The following DUS2 variants were observed in gnomAD, a reference collection of about 807,000 sequenced individuals.
DUS2 encodes dihydrouridine synthase 2.
Under a neutral mutation model 71.3 loss-of-function variants are expected in DUS2, and 52 were observed. That is an observed-to-expected ratio of 0.73 (90% CI 0.58 to 0.92). The LOEUF is 0.92. Ranked by LOEUF, DUS2 falls within the 40% of genes least tolerant of loss-of-function variation. The pLI is 0.00. For missense variants in DUS2, 558 were observed against 622.6 expected (o/e 0.90, Z 1.10); for synonymous variants, 204 against 227.8 (o/e 0.90, Z 0.94).
chr16:68,037,167 G>GTT (rs746737842), intron 2 of DUS2, among the ~76,000 whole-genome samples: 18 of 136,242 alleles, frequency 1.3e-4, no homozygotes, highest in African/African-American at 2.1e-4. Context: ...ATTTTTGTCT[G>GTT]TTTTTTTTTT....
chr16:68,034,986 A>G (rs773575501), intron 2 of DUS2, among the ~76,000 whole-genome samples: 11 of 152,190 alleles, frequency 7.2e-5, no homozygotes, highest in Non-Finnish European at 1.6e-4. Context: ...CCTGGGCAAC[A>G]GAGCAAGACT....
Position 68,075,427 on chromosome 16 carries a change from A to C in DUS2, c.1005A>C (p.Ser335=), listed in dbSNP as rs570800677. Residue 335 remains serine (S), a synonymous_variant, in exon 14 of 17, where the codon TCA becomes TCC. Transcript: ENST00000565263. ...QELDAQQARL[S]AKTSEQTGEP... is the part of the protein sequence containing the mutation. ...TGGATGCCCAGCAGGCCAGGCTCTC[A>C]GCCAAGACTTCAGAGCAGACAGGGG... 3 of 1,614,000 alleles carry C rather than the reference A, an allele frequency of 1.9e-6. 1 individual carries two copies. The South Asian group carries it at 3.3e-5, about 18-fold the overall frequency.
intron 3 of DUS2, among the ~76,000 whole-genome samples, chr16:68,046,786 G>T (rs561624115): frequency 2.0e-5 from 3 of 148,912 alleles, no homozygotes. Context: ...TTGCTCTGTC[G>T]CCGAGGCTGG....
At position 68,076,632 on chromosome 16, in the gene DUS2, G is replaced by A. The variant is rs1199996245; in HGVS notation, c.1083G>A (p.Arg361=). The part of the protein sequence containing the change: ...GVIKMAVKFD[R]RAYPAQITPK... ...CAACTGCTTCCCTTCCTTTCCCCAG[G>A]AGAGCATACCCAGCCCAGATCACCC... Residue 361 remains arginine (R), a splice_region_variant and synonymous_variant, in exon 15 of 17, where the codon CGG becomes CGA. Transcript: ENST00000565263. The A allele has an allele frequency of 6.2e-7, 1 of 1,613,576 alleles. No homozygotes were observed. Among genetic ancestry groups the A allele is most frequent in the Non-Finnish European group, 8.5e-7 (1 of 1,179,614 alleles).
chr16:68,073,970 C>G lies in DUS2; in HGVS notation c.811-64C>G, dbSNP rs2034121703. The G allele has an allele frequency of 1.9e-6, 3 of 1,599,268 alleles. No individual in the cohort carries two copies. In the African/African-American group the frequency reaches 4.0e-5, roughly 21 times the overall value. On this transcript the variant is annotated intron_variant, in intron 12 of 16. Coordinates refer to ENST00000565263, the MANE Select transcript of DUS2 (RefSeq NM_017803.5). ...GCCTTCTTGGAGCTCCTTTCCCTGCCATCAGAGCATAGCCCAGGCCTTAGA... is the reference window on the plus strand; with the variant it reads ...GCCTTCTTGGAGCTCCTTTCCCTGCGATCAGAGCATAGCCCAGGCCTTAGA...
At chr16:68,035,722 GTT>G (rs1289168836) in intron 2 of DUS2, among the ~76,000 whole-genome samples, 1 of 137,192 alleles carries the variant, frequency 7.3e-6, no homozygotes. Flanking sequence ...TTTTTTTTTG[GTT>G]TTTTTTTTTT....
intron 7 of DUS2, among the ~76,000 whole-genome samples, chr16:68,057,018 A>G (rs1339131900): frequency 7.2e-6 from 1 of 138,336 alleles, no homozygotes; most frequent in East Asian, 2.0e-4. Context: ...ATATAATTAT[A>G]TAATACATAT....
intron 3 of DUS2, among the ~76,000 whole-genome samples, chr16:68,039,024 C>A (rs990821038): frequency 6.6e-6 from 1 of 151,718 alleles, no homozygotes; most frequent in African/African-American, 2.4e-5. Flanking sequence ...CGTAGTGAGA[C>A]CCTGTCTCTA....
intron 7 of DUS2, among the ~76,000 whole-genome samples, chr16:68,060,399 C>T (rs907754678): frequency 1.6e-4 from 25 of 152,132 alleles, no homozygotes; most frequent in African/African-American, 5.8e-4. Flanking sequence ...CTGCAACCTC[C>T]ACCTCCTGGG....
At chr16:68,042,231 A>G (rs1467119039) in intron 3 of DUS2, among the ~76,000 whole-genome samples, 3 of 152,122 alleles carry the variant, frequency 2.0e-5, no homozygotes, top group African/African-American at 7.2e-5. Flanking sequence ...ACTCTATTGT[A>G]TGTATATATC....
At chr16:68,062,424 A>G (rs1043628597) in intron 8 of DUS2, among the ~76,000 whole-genome samples, 8 of 152,136 alleles carry the variant, frequency 5.3e-5, no homozygotes, top group African/African-American at 1.9e-4. Flanking sequence ...TAATTTGCTT[A>G]AGATCATATA....
chr16:68,050,713 C>T (rs777001172), intron 4 of DUS2, among the ~76,000 whole-genome samples: 6 of 152,020 alleles, frequency 3.9e-5, no homozygotes, highest in Admixed American at 3.9e-4. Flanking sequence ...ATCTATCTCC[C>T]CACCCCATTT....
At chr16:68,033,656 TTA>T in intron 2 of DUS2, among the ~76,000 whole-genome samples, 1 of 148,682 alleles carries the variant, frequency 6.7e-6, no homozygotes, top group Non-Finnish European at 1.5e-5. Context: ...TTTTTTTTTT[TTA>T]TATAGAGTCT....
chr16:68,070,964 A>G lies in DUS2; in HGVS notation c.666A>G (p.Gln222=), dbSNP rs1345718149. The change falls in exon 12 of 17, where the codon CAA becomes CAG. Residue 222 remains glutamine (Q), a synonymous_variant. Coordinates refer to ENST00000565263, the MANE Select transcript of DUS2 (RefSeq NM_017803.5). ...IANGGSHDHI[Q]QYSDIEDFRQ... The stretch of plus-strand genomic sequence containing the variant: ...GCGGAGGATCTCATGACCACATCCA[A>G]CAGTATTCGGACATAGAGGACTTTC... 3 of 1,614,080 alleles carry G rather than the reference A, an allele frequency of 1.9e-6. No individual in the cohort carries two copies. Among genetic ancestry groups the G allele is most frequent in the South Asian group, 1.1e-5 (1 of 91,088 alleles).
intron 2 of DUS2, among the ~76,000 whole-genome samples, chr16:68,028,294 T>C (rs2033385486): frequency 1.3e-5 from 2 of 152,110 alleles, no homozygotes; most frequent in Non-Finnish European, 2.9e-5. Context: ...ACACGCTGCC[T>C]TGATCTTAAA....
chr16:68,053,959 T>C, intron 5 of DUS2: 1 of 350,342 alleles, frequency 2.9e-6, no homozygotes, highest in Non-Finnish European at 5.3e-6. Context: ...CATTGATTAC[T>C]CAGATCATAG....
At chr16:68,035,715 T>G (rs2033508839) in intron 2 of DUS2, among the ~76,000 whole-genome samples, 1 of 149,390 alleles carries the variant, frequency 6.7e-6, no homozygotes, top group Admixed American at 6.7e-5. Context: ...TGTGGTTTTT[T>G]TTTTTGGTTT....
At chr16:68,066,479 G>A in intron 9 of DUS2, 87 bp from the exon 10 acceptor site, 4 of 1,583,992 alleles carry the variant, frequency 2.5e-6, no homozygotes, top group Non-Finnish European at 3.5e-6. Flanking sequence ...AGGCTTGGAG[G>A]AGAGAGTAGA....
At chr16:68,035,937 T>C (rs1280363063) in intron 2 of DUS2, among the ~76,000 whole-genome samples, 21 of 136,938 alleles carry the variant, frequency 1.5e-4, no homozygotes, top group East Asian at 1.0e-3. Context: ...TATACACACA[T>C]ACATACACAT....
Sources: allele counts gnomAD v4.1 joint callset (sites outside exome capture counted in the v4.1 genomes callset), GRCh38; gene constraint gnomAD v4.1.1; transcripts MANE v1.5; gene names NCBI Gene and HGNC (gene_info 2026-07-23, HGNC 2026-07-21).